The following CPLX1 variants were observed in gnomAD, a reference collection of about 807,000 sequenced individuals.
CPLX1 encodes complexin 1, also known as complexin-1.
CPLX1 carries 6 observed loss-of-function variants against 15.6 expected under a neutral mutation model. The observed-to-expected ratio is 0.39, with a 90% CI of 0.21 to 0.76. The LOEUF (loss-of-function observed/expected upper bound fraction) is 0.76, where lower values mean the gene tolerates loss of function less well. Ranked by LOEUF, CPLX1 falls within the 30% of genes least tolerant of loss-of-function variation. The pLI is 0.43. For missense variants in CPLX1, 242 were observed against 188.6 expected, an observed-to-expected ratio of 1.28 and a Z score of -1.66; for synonymous variants, 91 against 75.2, an observed-to-expected ratio of 1.21 and a Z score of -1.08.
intron 2 of CPLX1, among the ~76,000 whole-genome samples, chr4:817,319 C>T (rs569823621): frequency 1.3e-5 from 2 of 150,630 alleles, no homozygotes; most frequent in Admixed American, 6.6e-5. Flanking sequence ...TTTGGGAGGC[C>T]GGGGCAGGTG....
intron 3 of CPLX1, chr4:788,029 G>C (rs549928469): frequency 2.0e-6 from 2 of 985,424 alleles, no homozygotes; most frequent in East Asian, 2.3e-4. Context: ...GCTGCGTCCA[G>C]GAGAAAACTT....
At chr4:821,211 G>A (rs1248281485) in intron 2 of CPLX1, among the ~76,000 whole-genome samples, 1 of 152,176 alleles carries the variant, frequency 6.6e-6, no homozygotes, top group African/African-American at 2.4e-5. Context: ...GCCGGACACT[G>A]TCCATCGTGA....
At chr4:790,031 T>G (rs1449709382) in intron 3 of CPLX1, among the ~76,000 whole-genome samples, 1 of 74,618 alleles carries the variant, frequency 1.3e-5, no homozygotes, top group Non-Finnish European at 2.5e-5. Context: ...AGGGCGGGGT[T>G]CCCCCACCCC....
rs556283677 is a variant in CPLX1 at position 796,089 on chromosome 4, C to T, written c.32-3481G>A. Among the ~76,000 whole-genome samples the T allele has an allele frequency of 2.6e-5, 4 of 152,236 alleles. No homozygotes were observed. The South Asian group carries it at 8.3e-4, about 32-fold the overall frequency. ...GCCGCCCCTGAGGTCAAAACCCTGC[C>T]CAGGGTTCCCTTACACGGTAAGTAC... On this transcript the variant is annotated intron_variant, in intron 2 of 3. Coordinates refer to ENST00000304062, the MANE Select transcript of CPLX1 (RefSeq NM_006651.4).
intron 2 of CPLX1, 21 bp downstream of exon 2, chr4:824,471 A>G (rs1385657854): frequency 1.2e-6 from 2 of 1,605,552 alleles, no homozygotes; most frequent in African/African-American, 2.7e-5. Flanking sequence ...GCCCCTCCCC[A>G]CCCCACCTCC....
chr4:794,786 G>A (rs1039289003), intron 2 of CPLX1, among the ~76,000 whole-genome samples: 4 of 152,262 alleles, frequency 2.6e-5, no homozygotes, highest in African/African-American at 9.6e-5. Context: ...CTGATGGAAG[G>A]GGTTCCTGGC....
chr4:804,584 A>G (rs562387271), intron 2 of CPLX1, among the ~76,000 whole-genome samples: 1 of 152,210 alleles, frequency 6.6e-6, no homozygotes, highest in African/African-American at 2.4e-5. Context: ...TATCATAATG[A>G]CGTCAGCCGC....
intron 2 of CPLX1, among the ~76,000 whole-genome samples, chr4:805,279 G>T (rs1198537897): frequency 1.3e-5 from 2 of 152,226 alleles, no homozygotes; most frequent in East Asian, 1.9e-4. Flanking sequence ...AAAGATAGAA[G>T]GAGGATCGGA....
chr4:787,784 C>T (rs975246491), intron 3 of CPLX1: 2 of 985,242 alleles, frequency 2.0e-6, no homozygotes, highest in East Asian at 1.1e-4. Context: ...CTCCTCCAGC[C>T]CTCCCGTGAG....
chr4:786,687 C>G lies in CPLX1; in HGVS notation c.219G>C (p.Lys73Asn). 1 of 1,607,168 alleles carries G rather than the reference C, an allele frequency of 6.2e-7. No individual in the cohort carries two copies. Among genetic ancestry groups the G allele is most frequent in the Non-Finnish European group, 8.5e-7 (1 of 1,176,618 alleles). The change falls in exon 4 of 4, where the codon AAG becomes AAC. Residue 73 changes from lysine (K) to asparagine (N), a missense_variant. Coordinates refer to ENST00000304062, the MANE Select transcript of CPLX1 (RefSeq NM_006651.4). ...CCTCGGCCTCGCGCTCCTCCTTCTT[C>G]TTGATGCCGTACTGCGGGGGAGGCG... ...RQGIRDKYGI[K>N]KKEEREAEAQ...
chr4:819,583 G>A (rs1746822677), intron 2 of CPLX1, among the ~76,000 whole-genome samples: 1 of 152,226 alleles, frequency 6.6e-6, no homozygotes, highest in South Asian at 2.1e-4. Context: ...CACTGCTGGG[G>A]GGTCATTGCC....
intron 2 of CPLX1, among the ~76,000 whole-genome samples, chr4:800,470 A>C (rs62294152): frequency 0.021 from 3,215 of 150,858 alleles, 48 homozygotes; most frequent in Non-Finnish European, 0.031. Context: ...TCCCATCTCT[A>C]CTAAAAAATA....
At chr4:807,093 G>C (rs1013479687) in intron 2 of CPLX1, among the ~76,000 whole-genome samples, 1 of 152,204 alleles carries the variant, frequency 6.6e-6, no homozygotes, top group African/African-American at 2.4e-5. Flanking sequence ...ATCGATGATA[G>C]ACTGGATAAA....
intron 2 of CPLX1, among the ~76,000 whole-genome samples, chr4:817,374 T>G (rs1576997574): frequency 7.0e-6 from 1 of 143,466 alleles, no homozygotes; most frequent in Non-Finnish European, 1.5e-5. Flanking sequence ...GGCAACACAG[T>G]GAAACCCCGT....
intron 2 of CPLX1, among the ~76,000 whole-genome samples, chr4:794,892 C>T (rs940722436): frequency 3.3e-5 from 5 of 152,188 alleles, no homozygotes; most frequent in Non-Finnish European, 4.4e-5. Context: ...TCGCGGGAGC[C>T]GGCATTTATA....
chr4:799,256 C>G (rs55646005), intron 2 of CPLX1, among the ~76,000 whole-genome samples: 1 of 152,190 alleles, frequency 6.6e-6, no homozygotes, highest in Admixed American at 6.5e-5. Context: ...TCTGGACAGG[C>G]CTTGCTGGGT....
chr4:811,007 C>CT (rs1038144323), intron 2 of CPLX1, among the ~76,000 whole-genome samples: 1 of 150,880 alleles, frequency 6.6e-6, no homozygotes, highest in Non-Finnish European at 1.5e-5. Flanking sequence ...TCTAATTTCC[C>CT]TTTTTTATAA....
At chr4:811,503 T>A (rs1576995374) in intron 2 of CPLX1, among the ~76,000 whole-genome samples, 1 of 152,244 alleles carries the variant, frequency 6.6e-6, no homozygotes, top group African/African-American at 2.4e-5. Flanking sequence ...GTGTGTTGTT[T>A]AGTTTCCAAC....
At chr4:815,175 C>A (rs1037081907) in intron 2 of CPLX1, among the ~76,000 whole-genome samples, 1 of 152,172 alleles carries the variant, frequency 6.6e-6, no homozygotes. Context: ...CTTTGGGAGG[C>A]TGAGGCGGGT....
Sources: gnomAD v4.1 joint callset for allele counts (sites outside exome capture counted in the v4.1 genomes callset) on GRCh38, gnomAD v4.1.1 for gene constraint, MANE v1.5 for transcripts, NCBI Gene and HGNC (gene_info 2026-07-23, HGNC 2026-07-21) for gene names.